The following NPHS1 variants were observed in gnomAD, a reference collection of about 807,000 sequenced individuals.
NPHS1 encodes the protein NPHS1 adhesion molecule, nephrin.
In NPHS1, 107 loss-of-function variants were observed where a neutral mutation model predicts 139.7. The ratio of observed to expected loss-of-function variants is 0.77; its 90% CI spans 0.66 to 0.90. The LOEUF (loss-of-function observed/expected upper bound fraction) is 0.90. Ranked by LOEUF, NPHS1 falls within the 40% of genes least tolerant of loss-of-function variation. The probability of loss-of-function intolerance (pLI) is 0.00; values close to 1 mark genes in which losing one functional copy is unlikely to be tolerated. For synonymous variants in NPHS1, 707 were observed against 706.6 expected, an observed-to-expected ratio of 1.00 and a Z score of -0.01; for missense variants, 1,580 against 1,654.2, an observed-to-expected ratio of 0.96 and a Z score of 0.78.
chr19:35,852,005 G>A lies in NPHS1; in HGVS notation c.-168C>T, dbSNP rs1973279469. ...TTTCCTCTTCCCCTCTTCCCTGTGA[G>A]TATCTCTCTCTGTCTTGCTCTCAGT... is the stretch of plus-strand genomic sequence containing the variant. On this transcript the variant is annotated 5_prime_UTR_variant, in exon 1 of 29. Coordinates refer to ENST00000378910, the MANE Select transcript of NPHS1 (RefSeq NM_004646.4). Among the ~76,000 whole-genome samples, 1 of 151,490 alleles carries A rather than the reference G, an allele frequency of 6.6e-6. No individual in the cohort carries two copies. Among genetic ancestry groups the A allele is most frequent in the African/African-American group, 2.4e-5 (1 of 41,208 alleles).
chr19:35,831,251 C>T (rs768806398), intron 26 of NPHS1, 45 bp downstream of exon 26: 9 of 1,609,304 alleles, frequency 5.6e-6, no homozygotes, highest in Middle Eastern at 1.7e-4. Context: ...CTTCAGTCGC[C>T]GTCGGTGCCC....
chr19:35,851,715 C>T, intron 1 of NPHS1, 43 bp from the exon 2 acceptor site: 1 of 1,580,616 alleles, frequency 6.3e-7, no homozygotes, highest in Non-Finnish European at 8.6e-7. Flanking sequence ...GAGGGTTTGT[C>T]TAGGGAAGGT....
intron 26 of NPHS1, 48 bp from the exon 27 acceptor site, chr19:35,831,194 C>T (rs746294899): frequency 2.5e-6 from 4 of 1,609,914 alleles, no homozygotes; most frequent in East Asian, 2.2e-5. Context: ...TCCTCTGACC[C>T]CACTGTGCCC....
intron 20 of NPHS1, among the ~76,000 whole-genome samples, chr19:35,840,141 T>A (rs1320829815): frequency 7.0e-6 from 1 of 143,000 alleles, no homozygotes; most frequent in Admixed American, 6.9e-5. Flanking sequence ...AGTAGCTGGA[T>A]TACAGGTGCC....
chr19:35,844,186 G>T lies in NPHS1; in HGVS notation c.2129C>A (p.Thr710Asn). Residue 710 changes from threonine (T) to asparagine (N), a missense_variant, in exon 16 of 29, where the codon ACC (threonine) becomes AAC (asparagine). Transcript: ENST00000378910. Reference sequence around the variant, plus strand: ...CTGATAGAGGCCGTCGTCCGCGCGGGTCACATTCCACAGATGCAGAGCCCC... The same window carrying T: ...CTGATAGAGGCCGTCGTCCGCGCGGTTCACATTCCACAGATGCAGAGCCCC... ...SSGALHLWNV[T>N]RADDGLYQLH... 1 of 1,611,930 alleles carries T rather than the reference G, an allele frequency of 6.2e-7. No individual in the cohort carries two copies. The highest frequency in any genetic ancestry group is 1.1e-5 in the South Asian group (1 of 91,082).
Position 35,852,034 on chromosome 19 carries a change from A to C in NPHS1, c.-197T>G, listed in dbSNP as rs1973280123. Among the ~76,000 whole-genome samples the C allele has an allele frequency of 6.7e-6, 1 of 148,532 alleles. No homozygotes were observed. The highest frequency in any genetic ancestry group is 1.5e-5 in the Non-Finnish European group (1 of 67,164). ...CTCTCTCTGTCTTGCTCTCAGTCTC[A>C]ATCTCTGAGTCTCTTTCTCTGTCTC... On this transcript the variant is annotated 5_prime_UTR_variant, in exon 1 of 29. In the 5' UTR this introduces an upstream ATG that the reference lacks. Transcript: ENST00000378910.
chr19:35,831,447 C>T, intron 25 of NPHS1, 29 bp downstream of exon 25: 1 of 1,613,888 alleles, frequency 6.2e-7, no homozygotes, highest in Non-Finnish European at 8.5e-7. Flanking sequence ...CCCTCAGAGC[C>T]TTCTTTACAG....
intron 11 of NPHS1, among the ~76,000 whole-genome samples, chr19:35,847,246 C>T (rs996796633): frequency 9.3e-5 from 14 of 150,786 alleles, no homozygotes; most frequent in Non-Finnish European, 1.6e-4. Context: ...GGAGTTTCAC[C>T]GTGTTAGCCA....
At chr19:35,828,838 T>A (rs1487764820) in intron 28 of NPHS1, among the ~76,000 whole-genome samples, 1 of 152,240 alleles carries the variant, frequency 6.6e-6, no homozygotes. Context: ...ATCTACGCTT[T>A]AGAGAGTGCA....
intron 17 of NPHS1, 99 bp downstream of exon 17, chr19:35,843,373 G>T: frequency 7.1e-7 from 1 of 1,412,614 alleles, no homozygotes; most frequent in Non-Finnish European, 1.0e-6. Flanking sequence ...AGTTATAAGG[G>T]TCATACAGAT....
Position 35,846,004 on chromosome 19 carries a change from T to C in NPHS1, c.1627+4A>G. The C allele has an allele frequency of 7.0e-7, 1 of 1,426,972 alleles. No homozygotes were observed. The highest frequency in any genetic ancestry group is 9.4e-7 in the Non-Finnish European group (1 of 1,058,264). The allele number at this position is 1,426,972 out of a possible 1,614,324, so 88.4% of individuals were successfully genotyped here. The stretch of plus-strand genomic sequence containing the variant: ...CCCCGGGCCTCAGCAGTGCGAGCCC[T>C]CACACTGCACCGCCAGCTGCGTGGA... On this transcript the variant is annotated splice_donor_region_variant and intron_variant, in intron 12 of 28. Transcript: ENST00000378910.
chr19:35,828,053 AAAAC>A (rs1972821640), intron 28 of NPHS1, among the ~76,000 whole-genome samples: 1 of 152,208 alleles, frequency 6.6e-6, no homozygotes, highest in African/African-American at 2.4e-5. Flanking sequence ...TCATAATAGA[AAAAC>A]AAAACAAAGC....
At chr19:35,841,083 T>C (rs139115211) in intron 20 of NPHS1, among the ~76,000 whole-genome samples, 1 of 151,504 alleles carries the variant, frequency 6.6e-6, no homozygotes, top group Non-Finnish European at 1.5e-5. Context: ...CACAGAGACA[T>C]GCAGACGTAA....
intron 16 of NPHS1, chr19:35,843,821 A>G (rs1339859130): frequency 3.0e-6 from 2 of 658,294 alleles, no homozygotes; most frequent in Non-Finnish European, 5.1e-6. Flanking sequence ...GGGCTTCCAG[A>G]ATTGTGTGTG....
rs567245288 is a variant in NPHS1 at position 35,835,612 on chromosome 19, G to A, written c.3166+93C>T. On this transcript the variant is annotated intron_variant, in intron 23 of 28. Coordinates refer to ENST00000378910, the MANE Select transcript of NPHS1 (RefSeq NM_004646.4). The stretch of plus-strand genomic sequence containing the variant: ...AGCTTGGCCAGAACTAAGTCGTTAA[G>A]CAGCTGTGACTACAAGCAGAGGAGG... The A allele has an allele frequency of 5.2e-6, 6 of 1,154,266 alleles. No individual in the cohort carries two copies. In the East Asian group the frequency reaches 1.2e-4, roughly 23 times the overall value. 71.5% of individuals were successfully genotyped at this position (1,154,266 alleles called of 1,614,324 possible). A position where few individuals can be genotyped will look rare whatever the true frequency, so the allele number is the denominator to read the frequency against.
chr19:35,844,504 A>G, intron 14 of NPHS1, 45 bp from the exon 15 acceptor site: 1 of 1,539,468 alleles, frequency 6.5e-7, no homozygotes, highest in Non-Finnish European at 8.7e-7. Flanking sequence ...TGTTAAGGTT[A>G]GGGTCAAGGA....
chr19:35,839,049 G>A (rs550676233), intron 22 of NPHS1, among the ~76,000 whole-genome samples, 188 bp downstream of exon 22: 39 of 152,232 alleles, frequency 2.6e-4, no homozygotes, highest in African/African-American at 8.9e-4. Flanking sequence ...TTAACGGTTG[G>A]TCTCAAGTTC....
rs386833903 is a variant in NPHS1, at chr19:35,844,151, GGCAGTGCA to G, written c.2156_2163del (p.Leu719ProfsTer4). On this transcript the variant is annotated frameshift_variant, in exon 16 of 29. Coordinates refer to ENST00000378910, the MANE Select transcript of NPHS1 (RefSeq NM_004646.4). LOFTEE classifies it high-confidence loss of function. ...GCTTCCGCGGTGCCCTCAGAGTTCTGGCAGTGCAGCTGATAGAGGCCGTCGTCCGCGCG... is the reference window on the plus strand; with the variant it reads ...GCTTCCGCGGTGCCCTCAGAGTTCTGGCTGATAGAGGCCGTCGTCCGCGCG... 1.2e-6 allele frequency: 2 copies of G among 1,610,010 alleles called. No homozygotes were observed. Among genetic ancestry groups the G allele is most frequent in the East Asian group, 4.5e-5 (2 of 44,904 alleles).
chr19:35,834,783 C>T (rs1181391009), intron 23 of NPHS1, among the ~76,000 whole-genome samples: 1 of 151,644 alleles, frequency 6.6e-6, no homozygotes, highest in Non-Finnish European at 1.5e-5. Context: ...CCCAGCTACT[C>T]GGGAGGCTGA....
Sources: gnomAD v4.1 joint callset for allele counts (sites outside exome capture counted in the v4.1 genomes callset) on GRCh38, gnomAD v4.1.1 for gene constraint, MANE v1.5 for transcripts, NCBI Gene and HGNC (gene_info 2026-07-23, HGNC 2026-07-21) for gene names.